FRMPD1: variants seen among roughly 807,000 people sequenced by gnomAD.
FRMPD1 encodes FERM and PDZ domain containing 1, also known as FERM and PDZ domain-containing protein 1.
Under a neutral mutation model 117.8 loss-of-function variants are expected in FRMPD1, and 76 were observed. The observed-to-expected ratio is 0.65, with a 90% CI of 0.54 to 0.78. The LOEUF is 0.78. Ranked by LOEUF, FRMPD1 falls within the 30% of genes least tolerant of loss-of-function variation. FRMPD1 has a pLI of 0.00. For synonymous variants in FRMPD1, 783 were observed against 770.4 expected (o/e 1.02, Z -0.27); for missense variants, 1,786 against 1,964.5 (o/e 0.91, Z 1.72).
intron 5 of FRMPD1, among the ~76,000 whole-genome samples, chr9:37,717,525 A>G (rs936204558): frequency 4.0e-5 from 6 of 151,656 alleles, no homozygotes; most frequent in African/African-American, 1.2e-4. Flanking sequence ...GACTAAAGGC[A>G]TGCACCACCA....
At chr9:37,714,119 G>A in intron 5 of FRMPD1, among the ~76,000 whole-genome samples, 1 of 152,162 alleles carries the variant, frequency 6.6e-6, no homozygotes, top group Non-Finnish European at 1.5e-5. Flanking sequence ...ATAAATGGAA[G>A]TTCTTCTATT....
chr9:37,635,897 T>C, the FRMPD1 span, among the ~76,000 whole-genome samples: 1 of 152,052 alleles, frequency 6.6e-6, no homozygotes, highest in Non-Finnish European at 1.5e-5. Flanking sequence ...GAGGAGGTGT[T>C]AGCAGTGAGA....
chr9:37,746,215 A>G lies in FRMPD1; in HGVS notation c.4183A>G (p.Arg1395Gly). Residue 1395 changes from arginine (R) to glycine (G), a missense_variant, in exon 16 of 16, where the codon AGG becomes GGG. By Grantham distance (125) the Arg-to-Gly change is moderately radical. Coordinates refer to ENST00000377765, the MANE Select transcript of FRMPD1 (RefSeq NM_014907.3). ...CAGCTGCACCACCGCACCCCTGTCG[A>G]GGAAAAGCCACATCTGGCCAGAGTA... is the stretch of plus-strand genomic sequence containing the variant. ...AHSCTTAPLS[R>G]KSHIWPEYCS... 1 of 1,613,238 alleles carries G rather than the reference A, an allele frequency of 6.2e-7. No homozygotes were observed.
chr9:37,693,854 C>A (rs759802919), intron 2 of FRMPD1, among the ~76,000 whole-genome samples: 2 of 152,206 alleles, frequency 1.3e-5, no homozygotes, highest in African/African-American at 2.4e-5. Context: ...CAGAACCCCC[C>A]GCAGCTTAAG....
rs113552334 is a variant in FRMPD1 at position 37,690,995 on chromosome 9, T to C, written c.-4-1643T>C. On this transcript the variant is annotated intron_variant, in intron 1 of 15. Transcript: ENST00000377765. ...GCCTGCATGACCTAATCACCTCTTATAAGTTTCACCTCTCAACTCTGTTGC... is the reference window on the plus strand; with the variant it reads ...GCCTGCATGACCTAATCACCTCTTACAAGTTTCACCTCTCAACTCTGTTGC... Among the ~76,000 whole-genome samples, 184 of 152,314 alleles carry C rather than the reference T, an allele frequency of 1.2e-3. 1 individual carries two copies. The highest frequency in any genetic ancestry group is 3.8e-3 in the African/African-American group (156 of 41,556).
chr9:37,707,659 CA>C (rs1278744884), intron 3 of FRMPD1, 86 bp downstream of exon 3: 1 of 1,121,446 alleles, frequency 8.9e-7, no homozygotes. Context: ...TATCCTATAA[CA>C]AAATGCAGAA....
intron 6 of FRMPD1, among the ~76,000 whole-genome samples, chr9:37,719,718 A>C (rs1325336453): frequency 6.6e-6 from 1 of 152,200 alleles, no homozygotes; most frequent in Non-Finnish European, 1.5e-5. Context: ...ACATGGTGAG[A>C]AAATGCAGGA....
the FRMPD1 span, among the ~76,000 whole-genome samples, chr9:37,639,615 A>G: frequency 6.6e-6 from 1 of 152,228 alleles, no homozygotes. Flanking sequence ...CAGTAAAAGT[A>G]ACTAGCATTT....
rs145952494 is a variant in FRMPD1 at position 37,714,166 on chromosome 9, A to G, written c.408+2771A>G. Among the ~76,000 whole-genome samples, 152 of 152,248 alleles carry G rather than the reference A, an allele frequency of 1.0e-3. 1 individual carries two copies. The highest frequency in any genetic ancestry group is 3.2e-3 in the Middle Eastern group (1 of 316). ...TTGTCTATTAAATAATGTGAAACCA[A>G]TATGGAAACAGGGAAATCTAATCAG... On this transcript the variant is annotated intron_variant, in intron 5 of 15. Coordinates refer to ENST00000377765, the MANE Select transcript of FRMPD1 (RefSeq NM_014907.3).
At chr9:37,632,966 T>G in the FRMPD1 span, among the ~76,000 whole-genome samples, 1 of 147,522 alleles carries the variant, frequency 6.8e-6, no homozygotes, top group Non-Finnish European at 1.5e-5. Context: ...CATATATTTC[T>G]TTCTACATAT....
intron 2 of FRMPD1, among the ~76,000 whole-genome samples, chr9:37,699,321 CTTT>C (rs3076723): frequency 3.6e-5 from 5 of 137,926 alleles, no homozygotes; most frequent in Non-Finnish European, 3.1e-5. Flanking sequence ...CTGTCTCTCT[CTTT>C]TTTTTTTTTT....
In FRMPD1 at chr9:37,745,345, C is replaced by T; in HGVS notation, c.3313C>T (p.Gln1105Ter). 1 of 1,613,386 alleles carries T rather than the reference C, an allele frequency of 6.2e-7. No individual in the cohort carries two copies. The highest frequency in any genetic ancestry group is 8.5e-7 in the Non-Finnish European group (1 of 1,179,312). The change falls in exon 16 of 16, where the codon CAA (glutamine) becomes TAA (stop). Residue 1105 changes from glutamine to a stop codon, truncating the protein, a stop_gained. Transcript: ENST00000377765. LOFTEE classifies it low-confidence loss of function (END_TRUNC). ...IASIPTKEEPQGQLSLERDRE... is the reference protein window; with the variant it reads ...IASIPTKEEP ...TTCTATCCCTACAAAGGAAGAGCCA[C>T]AAGGACAACTATCTCTGGAAAGAGA...
the FRMPD1 span, among the ~76,000 whole-genome samples, chr9:37,615,126 G>A: frequency 2.0e-5 from 3 of 150,142 alleles, no homozygotes; most frequent in Non-Finnish European, 3.0e-5. Context: ...TTTTTTTTGT[G>A]TGTGACACAG....
At chr9:37,623,517 G>C in the FRMPD1 span, among the ~76,000 whole-genome samples, 9 of 152,204 alleles carry the variant, frequency 5.9e-5, no homozygotes, top group Non-Finnish European at 1.3e-4. Flanking sequence ...AGGAAACTGT[G>C]TGAACAAAAA....
At chr9:37,681,580 A>T (rs1429609994) in intron 1 of FRMPD1, among the ~76,000 whole-genome samples, 1 of 152,252 alleles carries the variant, frequency 6.6e-6, no homozygotes, top group Non-Finnish European at 1.5e-5. Context: ...TAATGAACCA[A>T]GGCAACATCA....
chr9:37,713,947 A>C (rs1563944627), intron 5 of FRMPD1, among the ~76,000 whole-genome samples: 1 of 152,228 alleles, frequency 6.6e-6, no homozygotes, highest in Non-Finnish European at 1.5e-5. Flanking sequence ...TGTGGTCCAA[A>C]CACTTCATAA....
chr9:37,653,495 G>A (rs1310373678), intron 1 of FRMPD1, among the ~76,000 whole-genome samples: 1 of 152,152 alleles, frequency 6.6e-6, no homozygotes, highest in Non-Finnish European at 1.5e-5. Context: ...TATTTGGAAG[G>A]TGTTCAGATC....
intron 2 of FRMPD1, among the ~76,000 whole-genome samples, chr9:37,706,811 A>C (rs1443658600): frequency 3.9e-5 from 6 of 152,228 alleles, no homozygotes; most frequent in African/African-American, 1.4e-4. Flanking sequence ...ATTATCCGTC[A>C]TCAAACATCT....
chr9:37,729,147 C>T (rs1470443643), intron 7 of FRMPD1, among the ~76,000 whole-genome samples: 1 of 151,598 alleles, frequency 6.6e-6, no homozygotes, highest in African/African-American at 2.4e-5. Context: ...CTTTTGGAGG[C>T]CAAGGCAGGC....
Sources: allele counts gnomAD v4.1 joint callset (sites outside exome capture counted in the v4.1 genomes callset), GRCh38; gene constraint gnomAD v4.1.1; transcripts MANE v1.5; gene names NCBI Gene and HGNC (gene_info 2026-07-23, HGNC 2026-07-21).